THBS4: variants seen among roughly 807,000 people sequenced by gnomAD.
THBS4 encodes the protein thrombospondin-4.
A neutral mutation model predicts 115.7 loss-of-function variants in THBS4; 90 were observed. The observed-to-expected ratio is 0.78, with a 90% CI of 0.66 to 0.93. The LOEUF is 0.93. Among genes scored for constraint, THBS4 ranks in the 40% least tolerant of loss-of-function variants. THBS4 has a pLI of 0.00. For missense variants in THBS4, 1,087 were observed against 1,232.7 expected, an observed-to-expected ratio of 0.88 and a Z score of 1.77; for synonymous variants, 460 against 479.3, an observed-to-expected ratio of 0.96 and a Z score of 0.53.
chr5:80,066,384 C>G (rs897876370), intron 9 of THBS4: 2 of 152,176 alleles, frequency 1.3e-5, no homozygotes, highest in African/African-American at 4.8e-5. Context: ...TCACAACAAC[C>G]TCATAAACAG....
intron 1 of THBS4, among the ~76,000 whole-genome samples, chr5:79,993,385 G>A (rs554409731): frequency 1.3e-5 from 2 of 152,322 alleles, no homozygotes; most frequent in South Asian, 4.1e-4. Flanking sequence ...TACTGTTCCA[G>A]AGAACCACAC....
At chr5:80,082,310 C>A in intron 20 of THBS4, 96 bp from the exon 21 acceptor site, 1 of 1,502,046 alleles carries the variant, frequency 6.7e-7, no homozygotes. Context: ...AAGAAAGACG[C>A]AGGTACGTAT....
At chr5:80,036,277 C>A in intron 1 of THBS4, 1 of 865,084 alleles carries the variant, frequency 1.2e-6, no homozygotes, top group Non-Finnish European at 1.4e-6. Flanking sequence ...TGGATTAAGG[C>A]AGGAACAGAA....
At chr5:80,049,812 G>T (rs920838526) in intron 2 of THBS4, among the ~76,000 whole-genome samples, 3 of 152,146 alleles carry the variant, frequency 2.0e-5, no homozygotes, top group Non-Finnish European at 2.9e-5. Context: ...GATTTCATTT[G>T]CTTGCTTGCT....
In THBS4 at chr5:80,035,470, C is replaced by T. The variant is rs943232039; in HGVS notation, c.-68C>T. 1.6e-5 allele frequency: 19 copies of T among 1,164,806 alleles called. No individual in the cohort carries two copies. Among genetic ancestry groups the T allele is most frequent in the African/African-American group, 3.2e-5 (2 of 62,208 alleles). 72.2% of individuals were successfully genotyped at this position (1,164,806 alleles called of 1,614,324 possible). A position where few individuals can be genotyped will look rare whatever the true frequency, so the allele number is the denominator to read the frequency against. On this transcript the variant is annotated 5_prime_UTR_variant, in exon 1 of 22. Transcript: ENST00000350881. The surrounding 1 kb of genome is among the most constrained non-coding windows in gnomAD (Gnocchi z 4.6). ...CGCCGACCGAGGTTCAACGCACGGC[C>T]CGGGGACCCCCAGGCGGGGCCAACG...
rs1171748930 is a variant in THBS4, at chr5:80,083,114, C to T, written c.2859C>T (p.Thr953=). The change falls in exon 22 of 22, where the codon ACC becomes ACT. Residue 953 remains threonine (T), a synonymous_variant. Transcript: ENST00000350881. The stretch of plus-strand genomic sequence containing the variant: ...CTGAGGACTTCCAAGAGTTTCAAAC[C>T]CAGAATTTCGACCGCTTCGATAATT... ...TIPEDFQEFQ[T]QNFDRFDN 5 of 1,613,854 alleles carry T rather than the reference C, an allele frequency of 3.1e-6. No homozygotes were observed. Among genetic ancestry groups the T allele is most frequent in the African/African-American group, 1.3e-5 (1 of 74,932 alleles).
chr5:80,059,798 C>A lies in THBS4; in HGVS notation c.880C>A (p.Pro294Thr), dbSNP rs1191269398. 6.2e-7 allele frequency: 1 copy of A among 1,614,210 alleles called. No homozygotes were observed. Among genetic ancestry groups the A allele is most frequent in the African/African-American group, 1.3e-5 (1 of 75,066 alleles). Residue 294 changes from proline (P) to threonine (T), a missense_variant, in exon 7 of 22, where the codon CCA becomes ACA. Pro to Thr is a conservative substitution (Grantham distance 38, BLOSUM62 -1). Transcript: ENST00000350881. The part of the protein sequence containing the change: ...TRPPRRCDSN[P>T]CFRGVQCTDS... Reference sequence around the variant, plus strand: ...CCCACCTCGTCGGTGTGACTCCAACCCATGTTTCCGAGGTGTCCAATGTAC... The same window carrying A: ...CCCACCTCGTCGGTGTGACTCCAACACATGTTTCCGAGGTGTCCAATGTAC...
chr5:79,992,778 T>C (rs1324417981), intron 1 of THBS4, among the ~76,000 whole-genome samples: 1 of 152,200 alleles, frequency 6.6e-6, no homozygotes, highest in African/African-American at 2.4e-5. Flanking sequence ...GTTAGAAATA[T>C]AAGCAAAATA....
chr5:80,081,800 G>T (rs1331032308), intron 20 of THBS4, among the ~76,000 whole-genome samples: 1 of 152,180 alleles, frequency 6.6e-6, no homozygotes, highest in Non-Finnish European at 1.5e-5. Context: ...AGAAGTGTAT[G>T]GAATGCAGGA....
rs1398446404 is a variant in THBS4 at position 80,035,779 on chromosome 5, G to A, written c.88+154G>A. Among the ~76,000 whole-genome samples the A allele has an allele frequency of 6.6e-6, 1 of 152,234 alleles. No homozygotes were observed. The highest frequency in any genetic ancestry group is 2.4e-5 in the African/African-American group (1 of 41,472). ...CAATCAAAGCATATTGTGATTGGAG[G>A]TAGTGATTAGTCTAGAATTTTCCGA... is the stretch of plus-strand genomic sequence containing the variant. On this transcript the variant is annotated intron_variant, in intron 1 of 21. Transcript: ENST00000350881. The surrounding 1 kb of genome is among the most constrained non-coding windows in gnomAD (Gnocchi z 4.6).
intron 5 of THBS4, among the ~76,000 whole-genome samples, chr5:80,059,219 A>C (rs922976174): frequency 6.6e-6 from 1 of 151,534 alleles, no homozygotes; most frequent in Non-Finnish European, 1.5e-5. Context: ...AATCCCAGCT[A>C]CTCAGGAGGC....
At position 80,061,895 on chromosome 5, in the gene THBS4, C is replaced by T. The variant is rs59318719; in HGVS notation, c.1125+63C>T. 1.2e-5 allele frequency: 18 copies of T among 1,504,576 alleles called. No homozygotes were observed. The African/African-American group carries it at 2.4e-4, about 20-fold the overall frequency. The allele number at this position is 1,504,576 out of a possible 1,614,324, so 93.2% of individuals were successfully genotyped here. A position where few individuals can be genotyped will look rare whatever the true frequency, so the allele number is the denominator to read the frequency against. ...TAACAAAACAACTGTGGTTGGTTCC[C>T]ACCTCTTTGGTATAAACCTTTACCT... On this transcript the variant is annotated intron_variant, in intron 8 of 21. Coordinates refer to ENST00000350881, the MANE Select transcript of THBS4 (RefSeq NM_003248.6).
At chr5:80,057,081 G>T (rs1325555795) in intron 3 of THBS4, among the ~76,000 whole-genome samples, 3 of 152,136 alleles carry the variant, frequency 2.0e-5, no homozygotes, top group Non-Finnish European at 4.4e-5. Context: ...GTCATATATA[G>T]AGAGATTTTT....
Position 80,035,575 on chromosome 5 carries a change from A to C in THBS4, c.38A>C (p.His13Pro). The change falls in exon 1 of 22, where the codon CAC becomes CCC. Residue 13 changes from histidine to proline, a missense_variant. Physicochemically the swap from His to Pro is moderately conservative, Grantham distance 77. Transcript: ENST00000350881. The surrounding 1 kb of genome is among the most constrained non-coding windows in gnomAD (Gnocchi z 4.6). ...CGCGGAGCCGCCGTCCTCCTGCTGC[A>C]CCTGGTCCTGCAGCGGTGGCTAGCG... is the stretch of plus-strand genomic sequence containing the variant. ...APRGAAVLLLHLVLQRWLAAG... is the reference protein window; with the variant it reads ...APRGAAVLLLPLVLQRWLAAG... 6.9e-7 allele frequency: 1 copy of C among 1,441,406 alleles called. No individual in the cohort carries two copies. Among genetic ancestry groups the C allele is most frequent in the Non-Finnish European group, 9.1e-7 (1 of 1,096,956 alleles). The allele number at this position is 1,441,406 out of a possible 1,614,324, so 89.3% of individuals were successfully genotyped here. A position where few individuals can be genotyped will look rare whatever the true frequency, so the allele number is the denominator to read the frequency against.
Position 80,040,115 on chromosome 5 carries a change from C to T in THBS4, c.127C>T (p.Pro43Ser). Residue 43 changes from proline to serine, a missense_variant, in exon 2 of 22, where the codon CCA becomes TCA. Coordinates refer to ENST00000350881, the MANE Select transcript of THBS4 (RefSeq NM_003248.6). ...CCCATCTTCCAGTCAGAGGCTAAAC[C>T]CAGGCGCTCTGCTGCCAGTCCTGAC... ...LLPSSSQRLN[P>S]GALLPVLTDP... 6 of 1,614,074 alleles carry T rather than the reference C, an allele frequency of 3.7e-6. No homozygotes were observed. Among genetic ancestry groups the T allele is most frequent in the Non-Finnish European group, 5.1e-6 (6 of 1,180,010 alleles).
In THBS4 at chr5:80,039,095, G is replaced by T. The variant is rs139974670; in HGVS notation, c.89-982G>T. Among the ~76,000 whole-genome samples, 490 of 152,120 alleles carry T rather than the reference G, an allele frequency of 3.2e-3. 5 individuals carry two copies. The highest frequency in any genetic ancestry group is 0.011 in the African/African-American group (450 of 41,514). On this transcript the variant is annotated intron_variant, in intron 1 of 21. Transcript: ENST00000350881. ...TCCTTGCCCATTTTTCTATTAAGAT[G>T]CTTATCATTTTATTGATTTGTAAGA... is the stretch of plus-strand genomic sequence containing the variant.
At chr5:80,054,080 C>CAAAA (rs1438652282) in intron 2 of THBS4, among the ~76,000 whole-genome samples, 1 of 151,386 alleles carries the variant, frequency 6.6e-6, no homozygotes, top group South Asian at 2.1e-4. Context: ...AAAAACAAAA[C>CAAAA]AAAACAAAAC....
At chr5:79,997,338 A>G (rs1240680021) in intron 1 of THBS4, among the ~76,000 whole-genome samples, 1 of 152,164 alleles carries the variant, frequency 6.6e-6, no homozygotes, top group Non-Finnish European at 1.5e-5. Context: ...AAGGATGGAA[A>G]AGTTATACCA....
rs115955269 is a variant in THBS4, at chr5:80,056,125, G to A, written c.540+93G>A. The A allele has an allele frequency of 1.0e-3, 1,437 of 1,422,640 alleles. 13 individuals carry two copies. In the African/African-American group the frequency reaches 0.019, roughly 19 times the overall value. 88.1% of individuals were successfully genotyped at this position (1,422,640 alleles called of 1,614,324 possible). On this transcript the variant is annotated intron_variant, in intron 3 of 21. Transcript: ENST00000350881. ...GCGTGCTGAGAAATTCCTGCTGCAG[G>A]TCAGTGGGTCTAATGCCGCTTGCAC...
Sources: gnomAD v4.1 joint callset for allele counts (sites outside exome capture counted in the v4.1 genomes callset) on GRCh38, gnomAD v4.1.1 for gene constraint, Gnocchi (gnomAD v3.1) non-coding constraint, MANE v1.5 for transcripts, NCBI Gene and HGNC (gene_info 2026-07-23, HGNC 2026-07-21) for gene names.